Variants in SMC2 observed in about 807,000 individuals in gnomAD.
SMC2 encodes structural maintenance of chromosomes 2.
SMC2 carries 41 observed loss-of-function variants against 142.6 expected under a neutral mutation model. The ratio of observed to expected loss-of-function variants is 0.29; its 90% CI spans 0.22 to 0.37. The LOEUF (loss-of-function observed/expected upper bound fraction) is 0.37. Among genes scored for constraint, SMC2 ranks in the 10% least tolerant of loss-of-function variants. SMC2 has a pLI of 1.00. For synonymous variants in SMC2, 463 were observed against 457.5 expected, an observed-to-expected ratio of 1.01 and a Z score of -0.15; for missense variants, 1,265 against 1,373.7, an observed-to-expected ratio of 0.92 and a Z score of 1.25.
intron 21 of SMC2, 126 bp from the exon 22 acceptor site, chr9:104,131,878 TATATC>T: frequency 1.7e-6 from 1 of 578,474 alleles, no homozygotes; most frequent in East Asian, 3.0e-5. Context: ...CTTAGTGCAT[TATATC>T]TTTTTGGTAA....
At chr9:104,126,462 T>C (rs1834296306) in intron 18 of SMC2, among the ~76,000 whole-genome samples, 179 bp from the exon 19 acceptor site, 1 of 151,476 alleles carries the variant, frequency 6.6e-6, no homozygotes, top group Admixed American at 6.5e-5. Context: ...TTTTTTGATA[T>C]AGGAAAATAA....
At chr9:104,096,615 T>G (rs908437879) in intron 3 of SMC2, among the ~76,000 whole-genome samples, 1 of 152,248 alleles carries the variant, frequency 6.6e-6, no homozygotes, top group Non-Finnish European at 1.5e-5. Flanking sequence ...TCTTCTGAGA[T>G]AACCCATTCT....
At chr9:104,088,496 T>C in the SMC2 span, among the ~76,000 whole-genome samples, 1 of 151,998 alleles carries the variant, frequency 6.6e-6, no homozygotes, top group African/African-American at 2.4e-5. Context: ...GATTTGGGGT[T>C]TAAATACACA....
At chr9:104,138,880 A>G (rs1835827585) in intron 24 of SMC2, among the ~76,000 whole-genome samples, 1 of 152,154 alleles carries the variant, frequency 6.6e-6, no homozygotes. Context: ...TTTAGTTAGC[A>G]ACAAAACTGA....
At position 104,139,364 on chromosome 9, in the gene SMC2, TTTAAG is replaced by T; in HGVS notation, c.*50_*54del. 6.9e-7 allele frequency: 1 copy of T among 1,454,494 alleles called. No homozygotes were observed. The allele number at this position is 1,454,494 out of a possible 1,614,324, so 90.1% of individuals were successfully genotyped here. On this transcript the variant is annotated 3_prime_UTR_variant, in exon 25 of 25. Transcript: ENST00000374793. The stretch of plus-strand genomic sequence containing the variant: ...TGACCTGTTTTTTTAAATGTAAACT[TTTAAG>T]GACTTGAGATAACTAATTTGTTTAT...
intron 13 of SMC2, 144 bp downstream of exon 13, chr9:104,114,973 T>C: frequency 1.8e-6 from 1 of 550,902 alleles, no homozygotes. Context: ...GTTCATAACT[T>C]TTTGATAACT....
At chr9:104,088,290 C>T in the SMC2 span, among the ~76,000 whole-genome samples, 1 of 151,744 alleles carries the variant, frequency 6.6e-6, no homozygotes, top group Non-Finnish European at 1.5e-5. Flanking sequence ...TTTTCTGGCA[C>T]CTTAATGAGT....
chr9:104,095,731 G>A (rs1433919003), intron 2 of SMC2, among the ~76,000 whole-genome samples, 179 bp downstream of exon 2: 1 of 152,192 alleles, frequency 6.6e-6, no homozygotes, highest in African/African-American at 2.4e-5. Context: ...TAGAAACTTA[G>A]AGATGTTTAG....
At chr9:104,128,987 G>A (rs1362894393) in intron 20 of SMC2, among the ~76,000 whole-genome samples, 2 of 152,138 alleles carry the variant, frequency 1.3e-5, no homozygotes, top group African/African-American at 2.4e-5. Flanking sequence ...GTGTTTTGAA[G>A]CAATAGATTG....
At chr9:104,125,162 G>A (rs768054746) in intron 18 of SMC2, 57 bp downstream of exon 18, 1 of 1,239,892 alleles carries the variant, frequency 8.1e-7, no homozygotes, top group Non-Finnish European at 1.1e-6. Flanking sequence ...AGAGCTGAAG[G>A]TGGTAGAGCA....
chr9:104,116,259 A>G lies in SMC2; in HGVS notation c.1731A>G (p.Pro577=), dbSNP rs765942195. Residue 577 remains proline, a synonymous_variant, in exon 14 of 25, where the codon CCA becomes CCG. Coordinates refer to ENST00000374793, the MANE Select transcript of SMC2 (RefSeq NM_006444.3). The stretch of plus-strand genomic sequence containing the variant: ...TGAAACGTCGATACACTATAATTCC[A>G]CTCAATAAAATTTCAGCCAGATGTA... ...GELKRRYTII[P]LNKISARCIA... is the part of the protein sequence containing the mutation. 6.2e-7 allele frequency: 1 copy of G among 1,609,690 alleles called. No homozygotes were observed. The highest frequency in any genetic ancestry group is 8.5e-7 in the Non-Finnish European group (1 of 1,178,256).
In SMC2 at chr9:104,134,357, A is replaced by G. The variant is rs1793297363; in HGVS notation, c.3109-58A>G. 1.0e-5 allele frequency: 14 copies of G among 1,361,544 alleles called. No individual in the cohort carries two copies. The South Asian group carries it at 2.0e-4, about 19-fold the overall frequency. The allele number at this position is 1,361,544 out of a possible 1,614,324, so 84.3% of individuals were successfully genotyped here. A position where few individuals can be genotyped will look rare whatever the true frequency, so the allele number is the denominator to read the frequency against. ...CTGTGTTGCATATACATATATCAAC[A>G]ATTGATTCTTCTTGGAAAGCATCCT... is the stretch of plus-strand genomic sequence containing the variant. On this transcript the variant is annotated intron_variant, in intron 22 of 24. Transcript: ENST00000374793.
chr9:104,131,575 TG>T (rs1319481758), intron 21 of SMC2, among the ~76,000 whole-genome samples: 1 of 151,932 alleles, frequency 6.6e-6, no homozygotes, highest in Non-Finnish European at 1.5e-5. Flanking sequence ...ATCAAAATTT[TG>T]TTCATGTCAC....
upstream of SMC2, among the ~76,000 whole-genome samples, chr9:104,093,991 G>A (rs1057399738): frequency 6.6e-6 from 1 of 152,228 alleles, no homozygotes; most frequent in Non-Finnish European, 1.5e-5. Context: ...AGAAGGCGGA[G>A]TCTGCAGTGT....
chr9:104,105,174 A>G (rs1304954902), intron 9 of SMC2, among the ~76,000 whole-genome samples: 1 of 152,228 alleles, frequency 6.6e-6, no homozygotes, highest in Admixed American at 6.5e-5. Flanking sequence ...AAGATTTTAT[A>G]AAGCACTTAA....
chr9:104,126,739 T>A lies in SMC2; in HGVS notation c.2550T>A (p.Tyr850Ter). ...CTGTAAATGAAGCTATCAAATCCTA[T>A]GAAAGTCAGATTGAAGTAATGGCAG... ...LEAVNEAIKS[Y>*]ESQIEVMAAE... Residue 850 changes from tyrosine (Y) to a stop codon, truncating the protein, a stop_gained, in exon 19 of 25, where the codon TAT (tyrosine) becomes TAA (stop). Transcript: ENST00000374793. LOFTEE classifies it high-confidence loss of function. The A allele has an allele frequency of 6.2e-7, 1 of 1,612,648 alleles. No individual in the cohort carries two copies. The highest frequency in any genetic ancestry group is 8.5e-7 in the Non-Finnish European group (1 of 1,179,574).
intron 17 of SMC2, 172 bp downstream of exon 17, chr9:104,123,404 T>C: frequency 2.1e-6 from 1 of 485,738 alleles, no homozygotes. Context: ...TCATCTTTAT[T>C]GTATATCGTC....
At chr9:104,110,557 T>C (rs1369753463) in intron 9 of SMC2, among the ~76,000 whole-genome samples, 1 of 145,428 alleles carries the variant, frequency 6.9e-6, no homozygotes, top group African/African-American at 2.6e-5. Flanking sequence ...TTTTTGACTG[T>C]AGGGTGGGTC....
rs571655507 is a variant in SMC2 at position 104,128,650 on chromosome 9, G to A, written c.2791-995G>A. Among the ~76,000 whole-genome samples the A allele has an allele frequency of 9.2e-5, 14 of 152,288 alleles. No individual in the cohort carries two copies. The South Asian group carries it at 2.9e-3, about 32-fold the overall frequency. On this transcript the variant is annotated intron_variant, in intron 20 of 24. Transcript: ENST00000374793. Reference sequence around the variant, plus strand: ...GCCTACAGGTGAGACCATATCCATGGAATTAATACAAGTCAATAAATTAAC... The same window carrying A: ...GCCTACAGGTGAGACCATATCCATGAAATTAATACAAGTCAATAAATTAAC...
Sources: gnomAD v4.1 joint callset for allele counts (sites outside exome capture counted in the v4.1 genomes callset) on GRCh38, gnomAD v4.1.1 for gene constraint, MANE v1.5 for transcripts, NCBI Gene and HGNC (gene_info 2026-07-23, HGNC 2026-07-21) for gene names.